Variants in CR1L observed in about 807,000 individuals in gnomAD.
CR1L encodes complement C3b/C4b receptor 1 like, also known as complement component receptor 1-like protein.
Under a neutral mutation model 62.3 loss-of-function variants are expected in CR1L, and 59 were observed. The observed-to-expected ratio is 0.95, with a 90% CI of 0.77 to 1.18. The LOEUF is 1.18. Among genes scored for constraint, CR1L ranks in the 50% most tolerant of loss-of-function variants. The probability of loss-of-function intolerance (pLI) is 0.00; values close to 1 mark genes in which losing one functional copy is unlikely to be tolerated. For synonymous variants in CR1L, 279 were observed against 248.7 expected, an observed-to-expected ratio of 1.12 and a Z score of -1.15; for missense variants, 700 against 702.8, an observed-to-expected ratio of 1.00 and a Z score of 0.04.
intron 9 of CR1L, among the ~76,000 whole-genome samples, chr1:207,705,079 G>A (rs772792969): frequency 4.6e-5 from 7 of 152,194 alleles, no homozygotes; most frequent in Non-Finnish European, 7.3e-5. Context: ...GGCCTTCCTT[G>A]GAGTGTGGCA....
intron 8 of CR1L, 148 bp from the exon 9 acceptor site, chr1:207,701,371 C>T: frequency 1.0e-6 from 1 of 952,844 alleles, no homozygotes; most frequent in Non-Finnish European, 1.6e-6. Context: ...TCCTGAGGCT[C>T]TCTGATGAGT....
chr1:207,702,742 C>T (rs1209037628), intron 9 of CR1L, among the ~76,000 whole-genome samples: 2 of 152,206 alleles, frequency 1.3e-5, no homozygotes, highest in African/African-American at 4.8e-5. Context: ...GGCCCTAACT[C>T]TCTTCAATTC....
intron 1 of CR1L, among the ~76,000 whole-genome samples, chr1:207,670,771 T>C (rs1663599734): frequency 6.6e-6 from 1 of 151,174 alleles, no homozygotes; most frequent in South Asian, 2.1e-4. Flanking sequence ...AAACTTACAA[T>C]TTTATTTTTA....
Position 207,717,632 on chromosome 1 carries a change from C to G in CR1L, c.1583C>G (p.Pro528Arg). 2 of 1,613,996 alleles carry G rather than the reference C, an allele frequency of 1.2e-6. No individual in the cohort carries two copies. The highest frequency in any genetic ancestry group is 1.7e-6 in the Non-Finnish European group (2 of 1,179,894). The change falls in exon 11 of 12, where the codon CCT becomes CGT. Residue 528 changes from proline (P) to arginine (R), a missense_variant. Coordinates refer to ENST00000508064, the MANE Select transcript of CR1L (RefSeq NM_175710.2). ...GESTIRRTSE[P>R]HGNGVWSSPA... ...AGCACCATCCGCCGCACAAGTGAAC[C>G]TCATGGGAATGGGGTTTGGAGCAGC...
Position 207,677,585 on chromosome 1 carries a change from T to A in CR1L, c.277+17T>A. 6.2e-7 allele frequency: 1 copy of A among 1,603,488 alleles called. No individual in the cohort carries two copies. Among genetic ancestry groups the A allele is most frequent in the Non-Finnish European group, 8.5e-7 (1 of 1,173,634 alleles). On this transcript the variant is annotated intron_variant, in intron 2 of 11. Coordinates refer to ENST00000508064, the MANE Select transcript of CR1L (RefSeq NM_175710.2). Reference sequence around the variant, plus strand: ...AGTGCAAACGTAAGTAACTCTGGAGTGGGAACCCCTCTGTTAGTCAAACAT... The same window carrying A: ...AGTGCAAACGTAAGTAACTCTGGAGAGGGAACCCCTCTGTTAGTCAAACAT...
intron 1 of CR1L, among the ~76,000 whole-genome samples, chr1:207,676,391 C>T (rs904201088): frequency 1.3e-5 from 2 of 152,154 alleles, no homozygotes; most frequent in African/African-American, 4.8e-5. Context: ...AGCATTACTG[C>T]CTGAGCTCCA....
rs566813638 is a variant in CR1L, at chr1:207,662,670, C to G, written c.98-14719C>G. ...CTCATCAAAGTCATTCTCCATCCAG[C>G]TTTGTTCCTTTGCTGGTGAGGAGCT... On this transcript the variant is annotated intron_variant, in intron 1 of 11. Transcript: ENST00000508064. 6.4e-4 allele frequency among the ~76,000 whole-genome samples: 97 copies of G among 152,352 alleles called. No homozygotes were observed. In the East Asian group the frequency reaches 0.011, roughly 18 times the overall value.
intron 10 of CR1L, chr1:207,710,961 C>T: frequency 1.4e-6 from 1 of 693,854 alleles, no homozygotes; most frequent in Non-Finnish European, 2.4e-6. Context: ...GCATATGTGT[C>T]TTCATTTTGA....
chr1:207,661,744 T>A (rs1398170259), intron 1 of CR1L, among the ~76,000 whole-genome samples: 1 of 152,220 alleles, frequency 6.6e-6, no homozygotes, highest in Non-Finnish European at 1.5e-5. Context: ...CTAGCCTTGA[T>A]GGTCTTTACA....
intron 1 of CR1L, chr1:207,659,151 T>A (rs1407127725): frequency 6.6e-6 from 1 of 152,338 alleles, no homozygotes; most frequent in East Asian, 1.9e-4. Context: ...GAGCCACACG[T>A]GCCACAGTGC....
At chr1:207,659,995 C>A (rs926930091) in intron 1 of CR1L, among the ~76,000 whole-genome samples, 6 of 152,146 alleles carry the variant, frequency 3.9e-5, no homozygotes, top group Admixed American at 1.3e-4. Flanking sequence ...GTTCTATGCT[C>A]ACAGTGTAAA....
At chr1:207,705,761 A>G (rs1245882071) in intron 9 of CR1L, among the ~76,000 whole-genome samples, 1 of 152,166 alleles carries the variant, frequency 6.6e-6, no homozygotes, top group Non-Finnish European at 1.5e-5. Flanking sequence ...CATTGAGCTT[A>G]TGACAAAAAA....
intron 1 of CR1L, among the ~76,000 whole-genome samples, chr1:207,666,257 G>A (rs1663522386): frequency 6.6e-6 from 1 of 152,198 alleles, no homozygotes. Context: ...AACTCCAAAG[G>A]TTTATGGCTA....
At chr1:207,688,597 T>C (rs1663948680) in intron 4 of CR1L, among the ~76,000 whole-genome samples, 1 of 152,150 alleles carries the variant, frequency 6.6e-6, no homozygotes, top group African/African-American at 2.4e-5. Flanking sequence ...AGAATCAGCT[T>C]GTCAATTTCC....
intron 10 of CR1L, among the ~76,000 whole-genome samples, chr1:207,714,117 G>A (rs1003803924): frequency 1.3e-5 from 2 of 152,238 alleles, no homozygotes; most frequent in African/African-American, 4.8e-5. Context: ...GTGGAGAAGA[G>A]TTTTATTGAG....
chr1:207,649,920 G>A (rs1392440272), intron 1 of CR1L, among the ~76,000 whole-genome samples: 2 of 152,152 alleles, frequency 1.3e-5, no homozygotes, highest in Non-Finnish European at 2.9e-5. Flanking sequence ...ATCCAGATAA[G>A]AAATGATAGT....
At chr1:207,681,050 A>T (rs947372176) in intron 3 of CR1L, among the ~76,000 whole-genome samples, 1 of 152,128 alleles carries the variant, frequency 6.6e-6, no homozygotes. Context: ...TATTTTCTGA[A>T]TCTCATTATT....
chr1:207,709,474 A>G (rs1481509358), intron 10 of CR1L, among the ~76,000 whole-genome samples: 1 of 152,212 alleles, frequency 6.6e-6, no homozygotes, highest in African/African-American at 2.4e-5. Flanking sequence ...TGCCTTCTAT[A>G]TAGAGAGAAC....
intron 4 of CR1L, among the ~76,000 whole-genome samples, chr1:207,685,828 G>A (rs1424107176): frequency 2.6e-5 from 4 of 152,138 alleles, no homozygotes; most frequent in Admixed American, 6.5e-5. Context: ...GTGACTTTCA[G>A]AGTGGAATGG....
Sources: allele counts gnomAD v4.1 joint callset (sites outside exome capture counted in the v4.1 genomes callset), GRCh38; gene constraint gnomAD v4.1.1; transcripts MANE v1.5; gene names NCBI Gene and HGNC (gene_info 2026-07-23, HGNC 2026-07-21).